Variants in PJA2 observed in about 807,000 individuals in gnomAD.
PJA2 encodes E3 ubiquitin-protein ligase Praja-2.
Under a neutral mutation model 69.3 loss-of-function variants are expected in PJA2, and 25 were observed. That is an observed-to-expected ratio of 0.36 (90% CI 0.26 to 0.50). PJA2 has a LOEUF of 0.50. Ranked by LOEUF, PJA2 falls within the 20% of genes least tolerant of loss-of-function variation. The pLI, the probability that PJA2 is intolerant of heterozygous loss-of-function variation, is 0.96. For missense variants in PJA2, 809 were observed against 830.2 expected (o/e 0.97, Z 0.31); for synonymous variants, 308 against 277.8 (o/e 1.11, Z -1.08).
intron 9 of PJA2, among the ~76,000 whole-genome samples, chr5:109,341,467 G>T (rs1253581412): frequency 7.2e-6 from 1 of 139,740 alleles, no homozygotes; most frequent in African/African-American, 2.7e-5. Context: ...TGAGAAGTGA[G>T]GAGCCTCTCC....
At chr5:109,385,400 G>A (rs757052678) in intron 1 of PJA2, among the ~76,000 whole-genome samples, 1 of 152,122 alleles carries the variant, frequency 6.6e-6, no homozygotes, top group Non-Finnish European at 1.5e-5. Context: ...TATGAAAGAA[G>A]GTCGAGGTTG....
chr5:109,393,142 A>G (rs1210741869), intron 1 of PJA2, among the ~76,000 whole-genome samples: 1 of 152,232 alleles, frequency 6.6e-6, no homozygotes, highest in African/African-American at 2.4e-5. Context: ...ACTCCTAAAT[A>G]TAAAAAAGAA....
chr5:109,358,410 A>T (rs1762453672), intron 6 of PJA2, among the ~76,000 whole-genome samples: 1 of 152,210 alleles, frequency 6.6e-6, no homozygotes. Flanking sequence ...TGCTGTCAAT[A>T]AATATGTGGG....
chr5:109,402,967 G>A (rs1221911855), intron 1 of PJA2, among the ~76,000 whole-genome samples: 1 of 151,866 alleles, frequency 6.6e-6, no homozygotes, highest in Non-Finnish European at 1.5e-5. Flanking sequence ...AATGACCTAA[G>A]CTTACACCTT....
chr5:109,360,991 G>A (rs1267425903), intron 6 of PJA2, among the ~76,000 whole-genome samples: 5 of 152,060 alleles, frequency 3.3e-5, no homozygotes, highest in Non-Finnish European at 5.9e-5. Flanking sequence ...AGCCAGGTGT[G>A]GTGGCAGGCG....
intron 1 of PJA2, among the ~76,000 whole-genome samples, chr5:109,399,485 T>C (rs1747490890): frequency 1.3e-5 from 2 of 152,022 alleles, no homozygotes; most frequent in South Asian, 4.2e-4. Flanking sequence ...GTAGGAACAC[T>C]TAGAAAAATC....
chr5:109,364,751 C>G (rs1420549385), intron 5 of PJA2, among the ~76,000 whole-genome samples: 4 of 139,252 alleles, frequency 2.9e-5, no homozygotes, highest in Non-Finnish European at 6.5e-5. Flanking sequence ...AGGGCTTTTC[C>G]TTAATCAATA....
chr5:109,360,635 T>C (rs994882316), intron 6 of PJA2, among the ~76,000 whole-genome samples: 2 of 152,104 alleles, frequency 1.3e-5, no homozygotes, highest in African/African-American at 4.8e-5. Context: ...TAATGAGGTG[T>C]TGACATAGAG....
rs1046276309 is a variant in PJA2, at chr5:109,372,285, T to C, written c.1284-3539A>G. The stretch of plus-strand genomic sequence containing the variant: ...TATCTGATCCCAGTACTTTCTTGCA[T>C]CCAACTCAAGAATGCTCTATTTCAA... On this transcript the variant is annotated intron_variant, in intron 4 of 9. Transcript: ENST00000361189. 4.6e-5 allele frequency among the ~76,000 whole-genome samples: 7 copies of C among 152,228 alleles called. 1 individual carries two copies. Among genetic ancestry groups the C allele is most frequent in the African/African-American group, 1.7e-4 (7 of 41,464 alleles).
At chr5:109,400,479 C>T (rs1582631426) in intron 1 of PJA2, among the ~76,000 whole-genome samples, 1 of 64,454 alleles carries the variant, frequency 1.6e-5, no homozygotes, top group Non-Finnish European at 2.9e-5. Flanking sequence ...AGCAAACCAG[C>T]AGGGGGAGGG....
At chr5:109,402,520 T>C (rs909119506) in intron 1 of PJA2, among the ~76,000 whole-genome samples, 5 of 151,842 alleles carry the variant, frequency 3.3e-5, no homozygotes, top group Non-Finnish European at 7.4e-5. Flanking sequence ...TAACAGGAGG[T>C]TCAATACACA....
chr5:109,405,859 A>G (rs1747676055), intron 1 of PJA2, among the ~76,000 whole-genome samples: 1 of 152,172 alleles, frequency 6.6e-6, no homozygotes, highest in Non-Finnish European at 1.5e-5. Context: ...AGCACAAATC[A>G]TAAGAAAAAG....
intron 1 of PJA2, among the ~76,000 whole-genome samples, chr5:109,396,500 C>T (rs973311192): frequency 5.6e-5 from 8 of 143,894 alleles, no homozygotes; most frequent in African/African-American, 2.1e-4. Flanking sequence ...GATCTCGGCT[C>T]ACTGCAACCT....
In PJA2 at chr5:109,335,601, T is replaced by G. The variant is rs1367058238; in HGVS notation, c.*1630A>C. The G allele has an allele frequency of 6.6e-6, 1 of 152,162 alleles. No homozygotes were observed. Among genetic ancestry groups the G allele is most frequent in the Non-Finnish European group, 1.5e-5 (1 of 68,004 alleles). 9.4% of individuals were successfully genotyped at this position (152,162 alleles called of 1,614,324 possible). A position where few individuals can be genotyped will look rare whatever the true frequency, so the allele number is the denominator to read the frequency against. On this transcript the variant is annotated 3_prime_UTR_variant, in exon 10 of 10. Coordinates refer to ENST00000361189, the MANE Select transcript of PJA2 (RefSeq NM_014819.5). ...ACAAAAATCACACTAGCCACAAATT[T>G]CCACCATATACACATGAAATTAATT... is the stretch of plus-strand genomic sequence containing the variant.
chr5:109,381,189 A>C (rs1427570414), intron 3 of PJA2, among the ~76,000 whole-genome samples: 1 of 152,040 alleles, frequency 6.6e-6, no homozygotes, highest in Non-Finnish European at 1.5e-5. Context: ...CTTGATCCAC[A>C]TTTTTAAAAA....
At chr5:109,394,030 T>C (rs912873080) in intron 1 of PJA2, among the ~76,000 whole-genome samples, 1 of 146,918 alleles carries the variant, frequency 6.8e-6, no homozygotes, top group Non-Finnish European at 1.5e-5. Context: ...CTAGTAACAT[T>C]CTAATTCTCT....
intron 5 of PJA2, among the ~76,000 whole-genome samples, chr5:109,367,950 T>C (rs1762612680): frequency 1.3e-5 from 2 of 151,896 alleles, no homozygotes; most frequent in African/African-American, 4.8e-5. Context: ...ACCCATTCAT[T>C]TACATCTTGT....
At chr5:109,372,827 C>A (rs971635931) in intron 4 of PJA2, among the ~76,000 whole-genome samples, 1 of 144,894 alleles carries the variant, frequency 6.9e-6, no homozygotes, top group Admixed American at 7.4e-5. Context: ...ATCGCTTGAA[C>A]CTGGGAGGTG....
intron 4 of PJA2, among the ~76,000 whole-genome samples, chr5:109,373,232 A>G (rs900739594): frequency 2.0e-5 from 3 of 152,174 alleles, no homozygotes; most frequent in Admixed American, 1.3e-4. Context: ...AAACAGGCAA[A>G]TAACAGAGCA....
Sources: gnomAD v4.1 joint callset for allele counts (sites outside exome capture counted in the v4.1 genomes callset) on GRCh38, gnomAD v4.1.1 for gene constraint, MANE v1.5 for transcripts, NCBI Gene and HGNC (gene_info 2026-07-23, HGNC 2026-07-21) for gene names.